Variants in LRRTM4 observed in about 807,000 individuals in gnomAD.
LRRTM4 encodes leucine-rich repeat transmembrane neuronal protein 4.
LRRTM4 carries 25 observed loss-of-function variants against 47.6 expected under a neutral mutation model. The observed-to-expected ratio is 0.53, with a 90% CI of 0.38 to 0.73. The LOEUF is 0.73. Among genes scored for constraint, LRRTM4 ranks in the 30% least tolerant of loss-of-function variants. The pLI is 0.00. For missense variants in LRRTM4, 638 were observed against 713.4 expected, an observed-to-expected ratio of 0.89 and a Z score of 1.20; for synonymous variants, 311 against 269.5, an observed-to-expected ratio of 1.15 and a Z score of -1.51.
chr2:77,497,264 T>C (rs115541423), intron 3 of LRRTM4, among the ~76,000 whole-genome samples: 2,483 of 151,800 alleles, frequency 0.016, 73 homozygotes, highest in African/African-American at 0.056. Context: ...GTTTCATTAA[T>C]TTTCTTTATT....
chr2:77,252,206 T>C (rs12713902), intron 3 of LRRTM4, among the ~76,000 whole-genome samples: 63,576 of 151,952 alleles, frequency 0.42, 15,547 homozygotes, highest in Non-Finnish European at 0.53. Flanking sequence ...CTGGAGCATG[T>C]AAGGGGTGTA....
intron 3 of LRRTM4, among the ~76,000 whole-genome samples, chr2:76,841,696 A>G (rs1200976583): frequency 6.6e-6 from 1 of 151,174 alleles, no homozygotes; most frequent in Non-Finnish European, 1.5e-5. Flanking sequence ...GTGTATATAT[A>G]TATAAAAGAA....
At chr2:76,905,564 A>G (rs1290586740) in intron 3 of LRRTM4, among the ~76,000 whole-genome samples, 1 of 151,934 alleles carries the variant, frequency 6.6e-6, no homozygotes, top group Non-Finnish European at 1.5e-5. Flanking sequence ...ACAGGAGGAA[A>G]TTCAAACCAA....
chr2:77,258,302 G>A (rs775494177), intron 3 of LRRTM4, among the ~76,000 whole-genome samples: 1 of 151,972 alleles, frequency 6.6e-6, no homozygotes, highest in East Asian at 1.9e-4. Context: ...AAAAAGTTAA[G>A]TACACGTTAC....
intron 3 of LRRTM4, among the ~76,000 whole-genome samples, chr2:77,400,820 A>G (rs1430705144): frequency 6.6e-6 from 1 of 151,670 alleles, no homozygotes; most frequent in East Asian, 1.9e-4. Context: ...CCCAACCCCT[A>G]TTTCCTGAAT....
At chr2:76,851,899 T>A (rs755811228) in intron 3 of LRRTM4, among the ~76,000 whole-genome samples, 11 of 151,952 alleles carry the variant, frequency 7.2e-5, no homozygotes, top group Non-Finnish European at 1.5e-4. Context: ...TATTTGTTAA[T>A]CACACAGGAA....
intron 3 of LRRTM4, among the ~76,000 whole-genome samples, chr2:77,405,110 T>C (rs112558494): frequency 1.3e-3 from 202 of 152,234 alleles, no homozygotes; most frequent in African/African-American, 4.7e-3. Context: ...ACTCTTATAA[T>C]GTAATTTTAA....
intron 3 of LRRTM4, among the ~76,000 whole-genome samples, chr2:77,175,718 C>T (rs1162398807): frequency 6.6e-6 from 1 of 152,134 alleles, no homozygotes; most frequent in Non-Finnish European, 1.5e-5. Flanking sequence ...GCCCCTTGGT[C>T]CTACTTTACT....
intron 3 of LRRTM4, among the ~76,000 whole-genome samples, chr2:76,937,614 G>C (rs1278024663): frequency 6.6e-6 from 1 of 152,162 alleles, no homozygotes; most frequent in East Asian, 1.9e-4. Flanking sequence ...TGTCACCCAG[G>C]CTGGAGTGCA....
chr2:77,356,053 C>T (rs1049361445), intron 3 of LRRTM4, among the ~76,000 whole-genome samples: 1 of 152,130 alleles, frequency 6.6e-6, no homozygotes, highest in Non-Finnish European at 1.5e-5. Flanking sequence ...ATTAATGTGC[C>T]ACTACACTCC....
intron 3 of LRRTM4, among the ~76,000 whole-genome samples, chr2:76,891,726 AG>A (rs1171908131): frequency 6.6e-6 from 1 of 151,834 alleles, no homozygotes; most frequent in Non-Finnish European, 1.5e-5. Context: ...CAAATGAAAA[AG>A]ATATCTAAAC....
At chr2:76,904,889 G>C (rs1023969604) in intron 3 of LRRTM4, among the ~76,000 whole-genome samples, 1 of 152,174 alleles carries the variant, frequency 6.6e-6, no homozygotes, top group African/African-American at 2.4e-5. Context: ...CTTGGGGGAG[G>C]AGCCAAGATG....
In LRRTM4 at chr2:77,101,433, A is replaced by G. The variant is rs939994068; in HGVS notation, c.1552-352517T>C. Reference sequence around the variant, plus strand: ...GATTAAGCAACTACCACCAAAACTGAGTAATGCTATTAGCTTAGGAGTAAA... The same window carrying G: ...GATTAAGCAACTACCACCAAAACTGGGTAATGCTATTAGCTTAGGAGTAAA... On this transcript the variant is annotated intron_variant, in intron 3 of 3. Coordinates refer to ENST00000409884, the MANE Select transcript of LRRTM4 (RefSeq NM_001134745.3). 4.7e-4 allele frequency among the ~76,000 whole-genome samples: 71 copies of G among 152,184 alleles called. 2 individuals carry two copies. The highest frequency in any genetic ancestry group is 4.6e-3 in the Admixed American group (70 of 15,262).
chr2:77,008,623 A>T (rs531744892), intron 3 of LRRTM4, among the ~76,000 whole-genome samples: 31 of 152,254 alleles, frequency 2.0e-4, no homozygotes, highest in African/African-American at 6.5e-4. Context: ...TAACATCTGG[A>T]TACCAGACTA....
chr2:77,267,301 T>C (rs1286167623), intron 3 of LRRTM4, among the ~76,000 whole-genome samples: 1 of 152,174 alleles, frequency 6.6e-6, no homozygotes. Flanking sequence ...TTTATAACAA[T>C]AGAGCTTTCT....
At chr2:76,907,585 T>C (rs910355196) in intron 3 of LRRTM4, among the ~76,000 whole-genome samples, 1 of 141,148 alleles carries the variant, frequency 7.1e-6, no homozygotes, top group Admixed American at 7.4e-5. Context: ...ACAAAATTGA[T>C]AGACCACTAG....
intron 3 of LRRTM4, among the ~76,000 whole-genome samples, chr2:77,423,801 A>G (rs1017417519): frequency 2.0e-5 from 3 of 152,192 alleles, no homozygotes; most frequent in Non-Finnish European, 4.4e-5. Flanking sequence ...ATCTGCATAA[A>G]AAAAGATAAG....
intron 3 of LRRTM4, among the ~76,000 whole-genome samples, chr2:77,187,060 C>T (rs1372879449): frequency 2.0e-5 from 3 of 152,132 alleles, no homozygotes; most frequent in Non-Finnish European, 4.4e-5. Context: ...TCATTTACTG[C>T]ACATGCACCC....
chr2:76,909,235 C>A (rs1272618677), intron 3 of LRRTM4, among the ~76,000 whole-genome samples: 3 of 152,132 alleles, frequency 2.0e-5, no homozygotes, highest in East Asian at 1.9e-4. Flanking sequence ...GAAAAACAAG[C>A]AATGGGGAAA....
Sources: gnomAD v4.1 joint callset for allele counts (sites outside exome capture counted in the v4.1 genomes callset) on GRCh38, gnomAD v4.1.1 for gene constraint, MANE v1.5 for transcripts, NCBI Gene and HGNC (gene_info 2026-07-23, HGNC 2026-07-21) for gene names.